Variants in SHTN1 observed in about 807,000 individuals in gnomAD.
SHTN1 encodes shootin 1.
Under a neutral mutation model 83.1 loss-of-function variants are expected in SHTN1, and 42 were observed. That is an observed-to-expected ratio of 0.51 (90% CI 0.39 to 0.65). The LOEUF (loss-of-function observed/expected upper bound fraction) is 0.65, where lower values mean the gene tolerates loss of function less well. SHTN1 is among the 30% of genes least tolerant of loss of function. SHTN1 has a pLI of 0.00. For synonymous variants in SHTN1, 224 were observed against 247.7 expected (o/e 0.90, Z 0.90); for missense variants, 622 against 737.8 (o/e 0.84, Z 1.82).
intron 2 of SHTN1, chr10:116,973,933 C>T (rs1200742727): frequency 1.6e-6 from 2 of 1,276,160 alleles, no homozygotes; most frequent in African/African-American, 1.5e-5. Flanking sequence ...TACTGCTCCA[C>T]CTATGTAAGT....
In SHTN1 at chr10:116,968,705, T is replaced by C; in HGVS notation, c.119A>G (p.Lys40Arg). 1.9e-6 allele frequency: 3 copies of C among 1,611,726 alleles called. No individual in the cohort carries two copies. In the South Asian group the frequency reaches 3.3e-5, roughly 18 times the overall value. ...GGCTTCATCTCGTTCTTGCCTAATT[T>C]TGTCACACTGAAATGAGAGAAGTAA... The part of the protein sequence containing the change: ...ENQKTKEKCD[K>R]IRQERDEAVK... Residue 40 changes from lysine (K) to arginine (R), a missense_variant, in exon 3 of 17, where the codon AAA (lysine) becomes AGA (arginine). Lys to Arg is a conservative substitution (Grantham distance 26). Coordinates refer to ENST00000355371, the MANE Select transcript of SHTN1 (RefSeq NM_001127211.3).
In SHTN1 at chr10:117,120,357, C is replaced by T. The variant is rs1005414874; in HGVS notation, c.-189+5950G>A. Among the ~76,000 whole-genome samples the T allele has an allele frequency of 4.0e-5, 6 of 151,542 alleles. No homozygotes were observed. In the East Asian group the frequency reaches 1.2e-3, roughly 30 times the overall value. On this transcript the variant is annotated intron_variant, in intron 1 of 17. Transcript: ENST00000392901. The stretch of plus-strand genomic sequence containing the variant: ...CCACCTCCTGGGTTCAAGCGATTCT[C>T]CTGCCTCAGCCTCCTGAGTAGCTGG...
Position 116,929,968 on chromosome 10 carries a change from G to A in SHTN1, c.893C>T (p.Thr298Ile), listed in dbSNP as rs772725228. ...KELEEQLENE[T>I]LHKEIHNLKQ... ...GAGGTTGTGTATTTCTTTGTGGAGTGTTTCATTTTCTAGTTGCTCTTCTAA... is the reference window on the plus strand; with the variant it reads ...GAGGTTGTGTATTTCTTTGTGGAGTATTTCATTTTCTAGTTGCTCTTCTAA... Residue 298 changes from threonine to isoleucine, a missense_variant, in exon 10 of 17, where the codon ACA becomes ATA. Physicochemically the swap from Thr to Ile is moderately conservative, Grantham distance 89 (BLOSUM62 -1). Transcript: ENST00000355371. 4 of 1,593,582 alleles carry A rather than the reference G, an allele frequency of 2.5e-6. No homozygotes were observed. Among genetic ancestry groups the A allele is most frequent in the Admixed American group, 1.7e-5 (1 of 57,746 alleles).
chr10:116,901,738 C>T (rs753112933), intron 16 of SHTN1, 27 bp downstream of exon 16: 74 of 1,546,386 alleles, frequency 4.8e-5, no homozygotes, highest in Non-Finnish European at 6.1e-5. Flanking sequence ...TTCTATACAC[C>T]ACTTAGTAAA....
intron 1 of SHTN1, among the ~76,000 whole-genome samples, chr10:116,983,781 CCAGGT>C (rs2133492875): frequency 6.6e-6 from 1 of 151,924 alleles, no homozygotes; most frequent in African/African-American, 2.4e-5. Context: ...AGTGAGAGCC[CCAGGT>C]AATTCCAATG....
Position 116,909,990 on chromosome 10 carries a change from C to T in SHTN1, c.1359+1800G>A, listed in dbSNP as rs575513712. 3.3e-5 allele frequency among the ~76,000 whole-genome samples: 5 copies of T among 152,230 alleles called. No individual in the cohort carries two copies. The East Asian group carries it at 9.7e-4, about 29-fold the overall frequency. ...ACATGCCATGATTGTGAGGTTGGGA[C>T]CATGTGCTTTACAGGGTACTAACTT... On this transcript the variant is annotated intron_variant, in intron 14 of 16. Coordinates refer to ENST00000355371, the MANE Select transcript of SHTN1 (RefSeq NM_001127211.3).
intron 6 of SHTN1, among the ~76,000 whole-genome samples, chr10:116,950,746 G>A (rs111886703): frequency 1.0e-3 from 158 of 152,190 alleles, no homozygotes; most frequent in Middle Eastern, 3.4e-3. Flanking sequence ...ATTGTCCAAC[G>A]GTAAGGTCCT....
intron 16 of SHTN1, among the ~76,000 whole-genome samples, chr10:116,897,504 G>A (rs1235958442): frequency 1.3e-5 from 2 of 152,156 alleles, no homozygotes; most frequent in South Asian, 2.1e-4. Context: ...ACAAAACACA[G>A]AGAGGTTAAA....
At chr10:117,043,498 T>G (rs1852616543) in intron 2 of SHTN1, among the ~76,000 whole-genome samples, 1 of 152,224 alleles carries the variant, frequency 6.6e-6, no homozygotes, top group African/African-American at 2.4e-5. Flanking sequence ...ATGGTAAACT[T>G]TGTTATGAAA....
chr10:116,956,333 C>G (rs974087645), intron 4 of SHTN1, among the ~76,000 whole-genome samples: 1 of 152,184 alleles, frequency 6.6e-6, no homozygotes, highest in African/African-American at 2.4e-5. Context: ...TACAACCCAG[C>G]TCTGCAATAA....
chr10:117,095,695 T>C (rs1853494213), intron 1 of SHTN1, among the ~76,000 whole-genome samples: 1 of 152,236 alleles, frequency 6.6e-6, no homozygotes, highest in Non-Finnish European at 1.5e-5. Flanking sequence ...ATTTTTTTCC[T>C]TACATTTTCC....
intron 1 of SHTN1, among the ~76,000 whole-genome samples, chr10:117,055,144 C>T (rs984440880): frequency 1.3e-5 from 2 of 152,118 alleles, no homozygotes; most frequent in East Asian, 1.9e-4. Flanking sequence ...CATCGAATCT[C>T]GTGAGAACTC....
chr10:116,901,939 G>A lies in SHTN1; in HGVS notation c.1499C>T (p.Ala500Val), dbSNP rs949741439. ...TGGCATGGATTTGGACTCTGAGGTG[G>A]CTAATATCCCAGTTGGACCTTAAAA... ...ADSSSPTGIL[A>V]TSESKSMPVL... Residue 500 changes from alanine to valine, a missense_variant, in exon 16 of 17, where the codon GCC becomes GTC. Physicochemically the swap from Ala to Val is moderately conservative, Grantham distance 64. This residue lies in a region of SHTN1 where 231 missense variants were observed against 251.6 expected (regional missense o/e 0.92). Transcript: ENST00000355371. 1 of 1,599,794 alleles carries A rather than the reference G, an allele frequency of 6.3e-7. No homozygotes were observed. The highest frequency in any genetic ancestry group is 8.5e-7 in the Non-Finnish European group (1 of 1,174,684).
Position 116,930,044 on chromosome 10 carries a change from T to C in SHTN1, c.859-42A>G, listed in dbSNP as rs550473886. 301 of 1,369,614 alleles carry C rather than the reference T, an allele frequency of 2.2e-4. 3 individuals carry two copies. In the South Asian group the frequency reaches 3.4e-3, roughly 15 times the overall value. The allele number at this position is 1,369,614 out of a possible 1,614,324, so 84.8% of individuals were successfully genotyped here. On this transcript the variant is annotated intron_variant, in intron 9 of 16. Coordinates refer to ENST00000355371, the MANE Select transcript of SHTN1 (RefSeq NM_001127211.3). ...AAAAAAAGACTTTTATGGCTGACAG[T>C]TTTTCCTTTGTCAAAGAAAAGAAAG...
chr10:117,106,238 G>C (rs557070100), intron 1 of SHTN1, among the ~76,000 whole-genome samples: 138 of 152,218 alleles, frequency 9.1e-4, no homozygotes, highest in African/African-American at 3.2e-3. Context: ...GGGCGAATCA[G>C]GAGGTCAAGA....
intron 2 of SHTN1, among the ~76,000 whole-genome samples, chr10:116,978,494 G>T (rs1035565716): frequency 6.6e-6 from 1 of 151,758 alleles, no homozygotes; most frequent in Non-Finnish European, 1.5e-5. Flanking sequence ...ATCTAAAACC[G>T]AAAATAGGCA....
chr10:117,115,277 G>C (rs993230452), intron 1 of SHTN1, among the ~76,000 whole-genome samples: 1 of 152,000 alleles, frequency 6.6e-6, no homozygotes, highest in Non-Finnish European at 1.5e-5. Context: ...TCTTACCTTT[G>C]AGCCTCACTT....
chr10:116,992,379 A>G (rs1330973057), intron 1 of SHTN1, among the ~76,000 whole-genome samples: 1 of 152,186 alleles, frequency 6.6e-6, no homozygotes, highest in African/African-American at 2.4e-5. Context: ...TGTTTACAAA[A>G]ATAGGACGTG....
Position 117,005,120 on chromosome 10 carries a change from GGC to G in SHTN1, c.-43_-42del. 1 of 1,570,932 alleles carries G rather than the reference GGC, an allele frequency of 6.4e-7. No homozygotes were observed. The highest frequency in any genetic ancestry group is 8.6e-7 in the Non-Finnish European group (1 of 1,157,400). ...CGGGAATAAAAGGGAAAGAGGGAGC[GGC>G]GCGGGGCACACAGGAGGAGGGGGAA... On this transcript the variant is annotated 5_prime_UTR_variant, in exon 1 of 17. Coordinates refer to ENST00000355371, the MANE Select transcript of SHTN1 (RefSeq NM_001127211.3).
Sources: gnomAD v4.1 joint callset for allele counts (sites outside exome capture counted in the v4.1 genomes callset) on GRCh38, gnomAD v4.1.1 for gene constraint, gnomAD v4.1.1 regional missense constraint, MANE v1.5 for transcripts, NCBI Gene and HGNC (gene_info 2026-07-23, HGNC 2026-07-21) for gene names.